Variants in SMARCB1 observed in about 807,000 individuals in gnomAD.
The protein encoded by SMARCB1 is SWI/SNF related BAF chromatin remodeling complex subunit B1, also known as SWI/SNF-related matrix-associated actin-dependent regulator of chromatin subfamily B member 1.
SMARCB1 carries 5 observed loss-of-function variants against 49.0 expected under a neutral mutation model. The observed-to-expected ratio is 0.10, with a 90% CI of 0.05 to 0.21. The LOEUF is 0.21. Among genes scored for constraint, SMARCB1 ranks in the 10% least tolerant of loss-of-function variants. The pLI is 1.00. For missense variants in SMARCB1, 226 were observed against 509.2 expected (o/e 0.44, Z 5.35); for synonymous variants, 201 against 200.1 (o/e 1.00, Z -0.04).
chr22:23,831,090 C>G (rs548160718), intron 7 of SMARCB1, among the ~76,000 whole-genome samples: 1 of 152,272 alleles, frequency 6.6e-6, no homozygotes, highest in East Asian at 1.9e-4. Context: ...GTGGACTTGG[C>G]ACCCTTCTAA....
Position 23,816,340 on chromosome 22 carries a change from T to C in SMARCB1, c.629-430T>C, listed in dbSNP as rs1930195521. On this transcript the variant is annotated intron_variant, in intron 5 of 8. Coordinates refer to ENST00000644036, the MANE Select transcript of SMARCB1 (RefSeq NM_003073.5). The stretch of plus-strand genomic sequence containing the variant: ...ATCGCTGTGGCTTGGCACAGTGTGT[T>C]TTGCTCACATGAGGCCTGGTATTGG... 10 of 298,764 alleles carry C rather than the reference T, an allele frequency of 3.3e-5. No homozygotes were observed. The South Asian group carries it at 3.6e-4, about 11-fold the overall frequency. 18.5% of individuals were successfully genotyped at this position (298,764 alleles called of 1,614,324 possible).
At chr22:23,813,559 T>C (rs1237808720) in intron 5 of SMARCB1, among the ~76,000 whole-genome samples, 2 of 152,160 alleles carry the variant, frequency 1.3e-5, no homozygotes, top group African/African-American at 4.8e-5. Context: ...AAAGGAATAC[T>C]TAGGTATAAA....
chr22:23,834,555 A>G lies in SMARCB1; in HGVS notation c.*375A>G. ...ATTTCTTCAAAGTTTTAACATAAAA[A>G]TAATGAGAGCCAGGAGTGGGGCCGG... On this transcript the variant is annotated 3_prime_UTR_variant, in exon 9 of 9. Transcript: ENST00000644036. 1.5e-6 allele frequency: 1 copy of G among 670,814 alleles called. No individual in the cohort carries two copies. The allele number at this position is 670,814 out of a possible 1,614,324, so 41.6% of individuals were successfully genotyped here.
In SMARCB1 at chr22:23,835,419, G is replaced by A. The variant is rs2030966686; in HGVS notation, c.*1239G>A. 1.0e-6 allele frequency: 1 copy of A among 986,954 alleles called. No individual in the cohort carries two copies. The highest frequency in any genetic ancestry group is 1.2e-6 in the Non-Finnish European group (1 of 831,134). The allele number at this position is 986,954 out of a possible 1,614,324, so 61.1% of individuals were successfully genotyped here. ...GGCAGGGCTAGGGTCAGAGGCTGCT[G>A]TGCTCCCTGGAAGTGGGGTAGGGCC... On this transcript the variant is annotated 3_prime_UTR_variant, in exon 9 of 9. Transcript: ENST00000644036.
At position 23,837,663 on chromosome 22, in the gene SMARCB1, C is replaced by G; in HGVS notation, c.*3483C>G. 1 of 1,612,164 alleles carries G rather than the reference C, an allele frequency of 6.2e-7. No individual in the cohort carries two copies. The highest frequency in any genetic ancestry group is 8.5e-7 in the Non-Finnish European group (1 of 1,178,870). ...TAGATGTACCGGGAGGCTCACCCAG[C>G]AGGTCCACGAGGATGGAGTTGCCCA... On this transcript the variant is annotated 3_prime_UTR_variant, in exon 9 of 9. Coordinates refer to ENST00000644036, the MANE Select transcript of SMARCB1 (RefSeq NM_003073.5).
chr22:23,801,782 C>G (rs1207341880), intron 4 of SMARCB1: 1 of 209,176 alleles, frequency 4.8e-6, no homozygotes, highest in East Asian at 1.1e-4. Flanking sequence ...TCAAAGTCTC[C>G]TTTTTTGGCC....
In SMARCB1 at chr22:23,837,721, A is replaced by C. The variant is rs1228958798; in HGVS notation, c.*3541A>C. 6.2e-7 allele frequency: 1 copy of C among 1,613,936 alleles called. No individual in the cohort carries two copies. Among genetic ancestry groups the C allele is most frequent in the East Asian group, 2.2e-5 (1 of 44,890 alleles). On this transcript the variant is annotated 3_prime_UTR_variant, in exon 9 of 9. Transcript: ENST00000644036. ...CGAGAAGCCCATGAGCGCCCAAGGC[A>C]GGAACGGTGCCTGGAAAGTGAGCAG...
At chr22:23,816,528 T>G in intron 5 of SMARCB1, 1 of 610,052 alleles carries the variant, frequency 1.6e-6, no homozygotes, top group Non-Finnish European at 2.9e-6. Context: ...AGGGAAGTGT[T>G]TATGGCCATG....
Position 23,793,695 on chromosome 22 carries a change from C to T in SMARCB1, c.362+7C>T, listed in dbSNP as rs34746244. The stretch of plus-strand genomic sequence containing the variant: ...AGCCCCCCACCTACCTCAGGTAATG[C>T]GTTCCTGGCCAGGGCATCTCTGGGG... On this transcript the variant is annotated splice_region_variant and intron_variant, in intron 3 of 8. Coordinates refer to ENST00000644036, the MANE Select transcript of SMARCB1 (RefSeq NM_003073.5). 2,631 of 1,613,610 alleles carry T rather than the reference C, an allele frequency of 1.6e-3. 24 individuals are homozygous for T. In the African/African-American group the frequency reaches 0.025, roughly 16 times the overall value.
At chr22:23,793,520 C>T (rs2145963387) in intron 2 of SMARCB1, 39 bp from the exon 3 acceptor site, 1 of 1,613,388 alleles carries the variant, frequency 6.2e-7, no homozygotes, top group South Asian at 1.1e-5. Flanking sequence ...TGTGCCACCG[C>T]CACCAGCAGA....
chr22:23,805,104 C>T (rs768733433), intron 5 of SMARCB1, among the ~76,000 whole-genome samples: 1 of 152,144 alleles, frequency 6.6e-6, no homozygotes, highest in Non-Finnish European at 1.5e-5. Context: ...CTAGGCCTAC[C>T]ACTTGCTCAC....
intron 7 of SMARCB1, among the ~76,000 whole-genome samples, chr22:23,830,436 T>A (rs2030593663): frequency 6.6e-6 from 1 of 152,164 alleles, no homozygotes; most frequent in Admixed American, 6.6e-5. Flanking sequence ...TGTTTGTGTA[T>A]CTTCTTTGGA....
At chr22:23,800,501 C>T (rs1354534819) in intron 3 of SMARCB1, among the ~76,000 whole-genome samples, 2 of 152,126 alleles carry the variant, frequency 1.3e-5, no homozygotes, top group East Asian at 1.9e-4. Context: ...GACCTGTGAT[C>T]GGTCCCCTCC....
At position 23,812,338 on chromosome 22, in the gene SMARCB1, T is replaced by TC. The variant is rs755489483; in HGVS notation, c.629-4425dup. On this transcript the variant is annotated intron_variant, in intron 5 of 8. Coordinates refer to ENST00000644036, the MANE Select transcript of SMARCB1 (RefSeq NM_003073.5). ...TTATTTTAAAAAAGGAAAACAATTC[T>TC]CCCCCCCAAAAAAATCTCTGGGCCC... Among the ~76,000 whole-genome samples the TC allele has an allele frequency of 8.1e-4, 122 of 151,414 alleles. 1 individual carries two copies. The highest frequency in any genetic ancestry group is 1.4e-3 in the Non-Finnish European group (95 of 67,890).
intron 6 of SMARCB1, chr22:23,824,629 C>CT (rs2030277947): frequency 6.3e-6 from 1 of 158,056 alleles, no homozygotes; most frequent in East Asian, 1.8e-4. Context: ...CACCCGGGGC[C>CT]TGGGCCCTCT....
Position 23,834,643 on chromosome 22 carries a change from C to T in SMARCB1, c.*463C>T. On this transcript the variant is annotated 3_prime_UTR_variant, in exon 9 of 9. Coordinates refer to ENST00000644036, the MANE Select transcript of SMARCB1 (RefSeq NM_003073.5). ...GCACACAGGCCTCACCCTCCTCTGC[C>T]TCAGATTCCCAAGTGGGCAGGTGGG... 4 of 890,526 alleles carry T rather than the reference C, an allele frequency of 4.5e-6. No individual in the cohort carries two copies. Among genetic ancestry groups the T allele is most frequent in the East Asian group, 2.6e-5 (1 of 37,860 alleles). The allele number at this position is 890,526 out of a possible 1,614,324, so 55.2% of individuals were successfully genotyped here. A position where few individuals can be genotyped will look rare whatever the true frequency, so the allele number is the denominator to read the frequency against.
At chr22:23,816,595 T>A in intron 5 of SMARCB1, 175 bp from the exon 6 acceptor site, 1 of 698,564 alleles carries the variant, frequency 1.4e-6, no homozygotes, top group Non-Finnish European at 2.6e-6. Context: ...GGGGGCCTGC[T>A]AGTCATGTGC....
At chr22:23,798,878 G>A (rs1211296308) in intron 3 of SMARCB1, among the ~76,000 whole-genome samples, 9 of 152,072 alleles carry the variant, frequency 5.9e-5, no homozygotes, top group South Asian at 4.2e-4. Context: ...GTGAAACCCC[G>A]TCTCTACTAA....
chr22:23,837,376 AGTG>A lies in SMARCB1; in HGVS notation c.*3198_*3200del. ...CCCAGGGAGGGGAGGGCCTGAGAAT[AGTG>A]GAGGAGTGGGAGCCATGGGGCAGGA... On this transcript the variant is annotated 3_prime_UTR_variant, in exon 9 of 9. Coordinates refer to ENST00000644036, the MANE Select transcript of SMARCB1 (RefSeq NM_003073.5). 1.5e-6 allele frequency: 1 copy of A among 666,034 alleles called. No homozygotes were observed. The highest frequency in any genetic ancestry group is 2.5e-6 in the Non-Finnish European group (1 of 394,996). The allele number at this position is 666,034 out of a possible 1,614,324, so 41.3% of individuals were successfully genotyped here. A position where few individuals can be genotyped will look rare whatever the true frequency, so the allele number is the denominator to read the frequency against.
Sources: gnomAD v4.1 joint callset for allele counts (sites outside exome capture counted in the v4.1 genomes callset) on GRCh38, gnomAD v4.1.1 for gene constraint, MANE v1.5 for transcripts, NCBI Gene and HGNC (gene_info 2026-07-23, HGNC 2026-07-21) for gene names.